The following CAMK2B variants were observed in gnomAD, a reference collection of about 807,000 sequenced individuals.
The protein encoded by CAMK2B is calcium/calmodulin-dependent protein kinase type II subunit beta.
A neutral mutation model predicts 93.7 loss-of-function variants in CAMK2B; 27 were observed. That is an observed-to-expected ratio of 0.29 (90% CI 0.21 to 0.40). The LOEUF is 0.40. Among genes scored for constraint, CAMK2B ranks in the 10% least tolerant of loss-of-function variants. CAMK2B has a pLI of 1.00. For synonymous variants in CAMK2B, 374 were observed against 358.8 expected (o/e 1.04, Z -0.48); for missense variants, 568 against 895.8 (o/e 0.63, Z 4.67).
chr7:44,302,917 G>T lies in CAMK2B; in HGVS notation c.66-18692C>A, dbSNP rs1461834732. ...TGGAAGTCCTAGCTAACATAATAAG[G>T]CAAGAAAAGGAAATAAAAGATACAC... is the stretch of plus-strand genomic sequence containing the variant. On this transcript the variant is annotated intron_variant, in intron 1 of 23. Coordinates refer to ENST00000395749, the MANE Select transcript of CAMK2B (RefSeq NM_001220.5). 2.6e-5 allele frequency among the ~76,000 whole-genome samples: 4 copies of T among 151,938 alleles called. 1 individual carries two copies. The highest frequency in any genetic ancestry group is 4.4e-5 in the Non-Finnish European group (3 of 67,952).
chr7:44,272,223 G>A (rs187354608), intron 2 of CAMK2B, among the ~76,000 whole-genome samples: 24 of 152,322 alleles, frequency 1.6e-4, no homozygotes, highest in Admixed American at 1.4e-3. Flanking sequence ...CCAGTGGTAG[G>A]TCTGAGGCAG....
In CAMK2B at chr7:44,221,502, C is replaced by A. The variant is rs534854994; in HGVS notation, c.1598-601G>T. Among the ~76,000 whole-genome samples the A allele has an allele frequency of 6.7e-5, 10 of 149,960 alleles. No homozygotes were observed. In the South Asian group the frequency reaches 2.1e-3, roughly 31 times the overall value. On this transcript the variant is annotated intron_variant, in intron 20 of 23. Transcript: ENST00000395749. ...AGCAGCAGGGGGCGGCCACGTGCGG[C>A]GCAGGCTGCAGGGTTCCCCGGAGCG...
chr7:44,297,330 G>A (rs975251947), intron 1 of CAMK2B, among the ~76,000 whole-genome samples: 4 of 151,824 alleles, frequency 2.6e-5, no homozygotes, highest in African/African-American at 9.7e-5. Flanking sequence ...TGGAAGAGGA[G>A]GAGGAATGCT....
At chr7:44,294,110 C>G (rs1156869638) in intron 1 of CAMK2B, among the ~76,000 whole-genome samples, 1 of 152,200 alleles carries the variant, frequency 6.6e-6, no homozygotes, top group Admixed American at 6.5e-5. Context: ...TCTTCCCGCC[C>G]AGCATCCCAC....
chr7:44,270,963 G>A (rs2096969147), intron 2 of CAMK2B, among the ~76,000 whole-genome samples: 1 of 152,040 alleles, frequency 6.6e-6, no homozygotes. Flanking sequence ...CTGTCACCCA[G>A]GCTAGAGTAC....
At chr7:44,274,697 G>C (rs1444933421) in intron 2 of CAMK2B, among the ~76,000 whole-genome samples, 1 of 152,260 alleles carries the variant, frequency 6.6e-6, no homozygotes, top group Non-Finnish European at 1.5e-5. Context: ...GCCTGCCCTT[G>C]CTGGGCCTAC....
At chr7:44,220,481 G>C in intron 22 of CAMK2B, 135 bp downstream of exon 22, 1 of 876,338 alleles carries the variant, frequency 1.1e-6, no homozygotes, top group Admixed American at 2.6e-5. Flanking sequence ...TCTGGCGGGG[G>C]AGAGGTGGCT....
chr7:44,246,004 A>G (rs1447531685), intron 6 of CAMK2B, among the ~76,000 whole-genome samples: 1 of 152,006 alleles, frequency 6.6e-6, no homozygotes, highest in East Asian at 1.9e-4. Context: ...GAGAGGAAGG[A>G]GCAGAGAGAC....
intron 11 of CAMK2B, 149 bp from the exon 12 acceptor site, chr7:44,240,898 C>G: frequency 1.3e-6 from 1 of 767,998 alleles, no homozygotes; most frequent in Non-Finnish European, 2.2e-6. Flanking sequence ...GAGGCAAGAG[C>G]TCCAGGAAGC....
chr7:44,292,478 A>C (rs1470565826), intron 1 of CAMK2B, among the ~76,000 whole-genome samples: 2 of 152,162 alleles, frequency 1.3e-5, no homozygotes, highest in Non-Finnish European at 2.9e-5. Context: ...ACACTTCCCA[A>C]ATCACACTCC....
intron 22 of CAMK2B, 66 bp downstream of exon 22, chr7:44,220,550 G>C (rs1173581093): frequency 1.5e-6 from 2 of 1,377,040 alleles, no homozygotes; most frequent in African/African-American, 2.9e-5. Flanking sequence ...TGCTGTCCCT[G>C]GGAGGGGCCG....
At chr7:44,305,225 G>A (rs1016859768) in intron 1 of CAMK2B, among the ~76,000 whole-genome samples, 1 of 152,186 alleles carries the variant, frequency 6.6e-6, no homozygotes, top group African/African-American at 2.4e-5. Context: ...AGGCCACAGT[G>A]AAAGATGGGG....
rs578028044 is a variant in CAMK2B, at chr7:44,310,994, G to A, written c.65+14363C>T. Among the ~76,000 whole-genome samples the A allele has an allele frequency of 9.8e-4, 149 of 152,300 alleles. 1 individual carries two copies. Among genetic ancestry groups the A allele is most frequent in the African/African-American group, 2.9e-3 (122 of 41,578 alleles). ...AAAATACCTGGTATGGTATGTAGCCGTTATCTCTGAGGAATCATTAAGAAA... is the reference window on the plus strand; with the variant it reads ...AAAATACCTGGTATGGTATGTAGCCATTATCTCTGAGGAATCATTAAGAAA... On this transcript the variant is annotated intron_variant, in intron 1 of 23. Coordinates refer to ENST00000395749, the MANE Select transcript of CAMK2B (RefSeq NM_001220.5).
In CAMK2B at chr7:44,301,939, C is replaced by T. The variant is rs568418710; in HGVS notation, c.66-17714G>A. On this transcript the variant is annotated intron_variant, in intron 1 of 23. Transcript: ENST00000395749. Reference sequence around the variant, plus strand: ...GAATTGTGCAAACAAGAAACTGATACAGAAAATCAACAAAGCCAACAGCTA... The same window carrying T: ...GAATTGTGCAAACAAGAAACTGATATAGAAAATCAACAAAGCCAACAGCTA... 2.0e-5 allele frequency among the ~76,000 whole-genome samples: 3 copies of T among 151,852 alleles called. No homozygotes were observed. In the South Asian group the frequency reaches 6.2e-4, roughly 32 times the overall value.
chr7:44,218,764 G>C lies in CAMK2B; in HGVS notation c.*761C>G, dbSNP rs537311197. On this transcript the variant is annotated 3_prime_UTR_variant, in exon 24 of 24. Transcript: ENST00000395749. ...AGAAGGACCAGAGCTGGAGCCCTGGGTGTGTAGGGGCATCTCTGAAGGCCT... is the reference window on the plus strand; with the variant it reads ...AGAAGGACCAGAGCTGGAGCCCTGGCTGTGTAGGGGCATCTCTGAAGGCCT... 1.2e-4 allele frequency: 18 copies of C among 152,474 alleles called. No homozygotes were observed. Among genetic ancestry groups the C allele is most frequent in the African/African-American group, 4.3e-4 (18 of 41,582 alleles). The allele number at this position is 152,474 out of a possible 1,614,324, so 9.4% of individuals were successfully genotyped here. A position where few individuals can be genotyped will look rare whatever the true frequency, so the allele number is the denominator to read the frequency against.
chr7:44,297,288 A>G (rs1430002623), intron 1 of CAMK2B, among the ~76,000 whole-genome samples: 1 of 150,930 alleles, frequency 6.6e-6, no homozygotes, highest in Non-Finnish European at 1.5e-5. Context: ...ACCACAGAAG[A>G]GAAAGAGAAA....
rs59312365 is a variant in CAMK2B, at chr7:44,219,344, G to GTTTTTTTTTTTTTTTTTTTTTTT, written c.*180_*181insAAAAAAAAAAAAAAAAAAAAAAA. The GTTTTTTTTTTTTTTTTTTTTTTT allele has an allele frequency of 2.8e-5, 1 of 35,184 alleles. No homozygotes were observed. The highest frequency in any genetic ancestry group is 1.0e-4 in the African/African-American group (1 of 9,578). The allele number at this position is 35,184 out of a possible 1,614,324, so 2.2% of individuals were successfully genotyped here. The stretch of plus-strand genomic sequence containing the variant: ...TTTTTGTGGTTGTCGTCGTCATCTT[G>GTTTTTTTTTTTTTTTTTTTTTTT]TTTTTTTTTTTTTTTTTTTTGTTTT... On this transcript the variant is annotated 3_prime_UTR_variant, in exon 24 of 24. Transcript: ENST00000395749.
intron 1 of CAMK2B, among the ~76,000 whole-genome samples, chr7:44,318,000 T>C (rs1169296571): frequency 1.3e-5 from 2 of 152,176 alleles, no homozygotes; most frequent in Non-Finnish European, 2.9e-5. Context: ...CGATGGGGCC[T>C]GAACACTCCT....
intron 13 of CAMK2B, among the ~76,000 whole-genome samples, chr7:44,237,565 C>T (rs2096638154): frequency 6.6e-6 from 1 of 152,232 alleles, no homozygotes; most frequent in Non-Finnish European, 1.5e-5. Context: ...CCCGGCCCTC[C>T]TGAGTGCATG....
Sources: allele counts gnomAD v4.1 joint callset (sites outside exome capture counted in the v4.1 genomes callset), GRCh38; gene constraint gnomAD v4.1.1; transcripts MANE v1.5; gene names NCBI Gene and HGNC (gene_info 2026-07-23, HGNC 2026-07-21).